MGAM2: variants seen among roughly 807,000 people sequenced by gnomAD.
The protein encoded by MGAM2 is probable maltase-glucoamylase 2.
In MGAM2, 98 loss-of-function variants were observed where a neutral mutation model predicts 96.1. The ratio of observed to expected loss-of-function variants is 1.02; its 90% CI spans 0.87 to 1.21. The LOEUF is 1.21. Ranked by LOEUF, MGAM2 falls within the 50% of genes most tolerant of loss-of-function variation. The pLI is 0.00. For missense variants in MGAM2, 2,055 were observed against 1,182.4 expected (o/e 1.74, Z -10.82); for synonymous variants, 749 against 414.8 (o/e 1.81, Z -9.79).
chr7:142,131,483 T>C (rs1434926685), intron 4 of MGAM2, 35 bp from the exon 5 acceptor site: 1 of 694,524 alleles, frequency 1.4e-6, no homozygotes, highest in Admixed American at 2.1e-5. Context: ...AAAGTTAGTC[T>C]CCTTTTCTCT....
chr7:142,156,062 T>C (rs1795726290), intron 17 of MGAM2, among the ~76,000 whole-genome samples: 1 of 152,076 alleles, frequency 6.6e-6, no homozygotes, highest in Non-Finnish European at 1.5e-5. Context: ...GGAGAATCTC[T>C]TGAACCGGGG....
At chr7:142,187,670 C>T (rs1796740700) in intron 35 of MGAM2, 80 bp from the exon 36 acceptor site, 1 of 650,926 alleles carries the variant, frequency 1.5e-6, no homozygotes, top group African/African-American at 1.8e-5. Flanking sequence ...CAAAAGTCAT[C>T]TCCCTGAGTT....
intron 32 of MGAM2, among the ~76,000 whole-genome samples, chr7:142,182,004 G>T (rs1342440876): frequency 2.6e-5 from 4 of 152,062 alleles, no homozygotes; most frequent in African/African-American, 9.7e-5. Context: ...GCTCCCTTGG[G>T]CAGAGTCTGT....
chr7:142,142,828 G>A (rs1430378351), intron 12 of MGAM2, among the ~76,000 whole-genome samples: 3 of 152,128 alleles, frequency 2.0e-5, no homozygotes, highest in Non-Finnish European at 2.9e-5. Flanking sequence ...GATTACAGGC[G>A]TGAGCCACCA....
chr7:142,132,236 G>C, intron 6 of MGAM2, among the ~76,000 whole-genome samples, 151 bp downstream of exon 6: 1 of 151,324 alleles, frequency 6.6e-6, no homozygotes, highest in Non-Finnish European at 1.5e-5. Flanking sequence ...TAAAATAACA[G>C]TGTTAGCCTA....
At chr7:142,195,771 A>G (rs922594986) in intron 37 of MGAM2, among the ~76,000 whole-genome samples, 21 of 152,166 alleles carry the variant, frequency 1.4e-4, no homozygotes, top group Non-Finnish European at 2.9e-4. Flanking sequence ...GCTTCCTAAC[A>G]GTAAAAGGAG....
chr7:142,149,763 C>T (rs113063186), intron 15 of MGAM2, among the ~76,000 whole-genome samples: 69 of 151,642 alleles, frequency 4.6e-4, no homozygotes, highest in Non-Finnish European at 8.1e-4. Flanking sequence ...GGATGGTCTC[C>T]ATCTCCTGAC....
chr7:142,155,083 T>C (rs1425055838), intron 17 of MGAM2, among the ~76,000 whole-genome samples: 2 of 152,198 alleles, frequency 1.3e-5, no homozygotes, highest in Non-Finnish European at 2.9e-5. Flanking sequence ...TGAGAAGATT[T>C]GTTAAAGTTT....
rs1486478899 is a variant in MGAM2, at chr7:142,220,033, C to A, written c.5522C>A (p.Thr1841Lys). 2 of 702,816 alleles carry A rather than the reference C, an allele frequency of 2.8e-6. No individual in the cohort carries two copies. The highest frequency in any genetic ancestry group is 5.2e-6 in the Non-Finnish European group (2 of 384,954). 43.5% of individuals were successfully genotyped at this position (702,816 alleles called of 1,614,324 possible). A position where few individuals can be genotyped will look rare whatever the true frequency, so the allele number is the denominator to read the frequency against. Reference protein sequence around the residue: ...PSTTNATSSETITSSASANTT... With the variant: ...PSTTNATSSEKITSSASANTT... The stretch of plus-strand genomic sequence containing the variant: ...ACTACCAATGCCACCAGTTCTGAGA[C>A]AATCACCAGTTCTGCCAGTGCAAAT... Residue 1841 changes from threonine (T) to lysine (K), a missense_variant, in exon 48 of 48, where the codon ACA (threonine) becomes AAA (lysine). Physicochemically the swap from Thr to Lys is moderately conservative, Grantham distance 78 (BLOSUM62 -1). Transcript: ENST00000477922.
rs1379445714 is a variant in MGAM2 at position 142,158,089 on chromosome 7, T to C, written c.2076T>C (p.His692=). 1.4e-6 allele frequency: 1 copy of C among 702,112 alleles called. No homozygotes were observed. Among genetic ancestry groups the C allele is most frequent in the Admixed American group, 2.0e-5 (1 of 49,880 alleles). The allele number at this position is 702,112 out of a possible 1,614,324, so 43.5% of individuals were successfully genotyped here. ...RGETVARPLV[H]EFYQDSATWD... ...AGACGGTAGCAAGGCCCCTTGTACA[T>C]GAGTGAGTTTCCTGATTCTCAAAGA... is the stretch of plus-strand genomic sequence containing the variant. The change falls in exon 18 of 48, where the codon CAT becomes CAC. Residue 692 remains histidine, a splice_region_variant and synonymous_variant. Transcript: ENST00000477922.
intron 3 of MGAM2, among the ~76,000 whole-genome samples, chr7:142,121,786 A>T (rs1794579787): frequency 6.6e-6 from 1 of 151,478 alleles, no homozygotes; most frequent in South Asian, 2.1e-4. Context: ...CCTCCTCTGG[A>T]TATTAAGTAT....
At chr7:142,117,818 A>G (rs1368534762) in intron 2 of MGAM2, among the ~76,000 whole-genome samples, 2 of 152,228 alleles carry the variant, frequency 1.3e-5, no homozygotes, top group East Asian at 3.8e-4. Context: ...TGAGATTGCT[A>G]TCCAGTGTAT....
At position 142,159,325 on chromosome 7, in the gene MGAM2, C is replaced by T. The variant is rs1011475865; in HGVS notation, c.2202C>T (p.Thr734=). The T allele has an allele frequency of 2.8e-6, 2 of 702,438 alleles. No homozygotes were observed. The highest frequency in any genetic ancestry group is 3.5e-5 in the African/African-American group (2 of 57,228). 43.5% of individuals were successfully genotyped at this position (702,438 alleles called of 1,614,324 possible). The change falls in exon 20 of 48, where the codon ACC becomes ACT. Residue 734 remains threonine, a synonymous_variant. Transcript: ENST00000477922. ...TGAAAGCATACATACCTGATGCCACCTGGTATGACTATGAGACAGTAAGTA... is the reference window on the plus strand; with the variant it reads ...TGAAAGCATACATACCTGATGCCACTTGGTATGACTATGAGACAGTAAGTA... ...DEVKAYIPDA[T]WYDYETGVAI...
At chr7:142,216,454 AT>A (rs1210590950) in intron 46 of MGAM2, among the ~76,000 whole-genome samples, 2 of 152,140 alleles carry the variant, frequency 1.3e-5, no homozygotes, top group African/African-American at 4.8e-5. Flanking sequence ...TGTTTGATAG[AT>A]TATTTCCTTA....
At chr7:142,207,499 C>T (rs796454453) in intron 45 of MGAM2, among the ~76,000 whole-genome samples, 8 of 152,110 alleles carry the variant, frequency 5.3e-5, no homozygotes, top group African/African-American at 1.2e-4. Context: ...GATCTTGGCT[C>T]GCTGCAAGCT....
At chr7:142,123,615 T>C (rs1794648464) in intron 3 of MGAM2, among the ~76,000 whole-genome samples, 1 of 152,192 alleles carries the variant, frequency 6.6e-6, no homozygotes, top group Non-Finnish European at 1.5e-5. Flanking sequence ...TTTTTGCCTT[T>C]TTTTCTACTG....
intron 1 of MGAM2, among the ~76,000 whole-genome samples, chr7:142,114,153 G>GGAAAGAAAGAA: frequency 1.1e-5 from 1 of 87,038 alleles, no homozygotes; most frequent in East Asian, 3.2e-4. Context: ...AAAGAAAGAA[G>GGAAAGAAAGAA]GAAAGAAAGA....
chr7:142,155,926 A>G (rs189379303), intron 17 of MGAM2, among the ~76,000 whole-genome samples: 22 of 152,312 alleles, frequency 1.4e-4, no homozygotes, highest in Non-Finnish European at 2.9e-4. Flanking sequence ...TGGGAGGATC[A>G]CCTGAGGTCC....
intron 45 of MGAM2, among the ~76,000 whole-genome samples, chr7:142,205,311 G>A (rs1250611894): frequency 6.6e-6 from 1 of 152,038 alleles, no homozygotes. Context: ...AAACTCTCTT[G>A]TATATTATAC....
Sources: allele counts gnomAD v4.1 joint callset (sites outside exome capture counted in the v4.1 genomes callset), GRCh38; gene constraint gnomAD v4.1.1; transcripts MANE v1.5; gene names NCBI Gene and HGNC (gene_info 2026-07-23, HGNC 2026-07-21).